Variants in NKAIN2 observed in about 807,000 individuals in gnomAD.
NKAIN2 encodes the protein sodium/potassium transporting ATPase interacting 2.
A neutral mutation model predicts 32.6 loss-of-function variants in NKAIN2; 14 were observed. That is an observed-to-expected ratio of 0.43 (90% CI 0.28 to 0.67). NKAIN2 has a LOEUF of 0.67. Ranked by LOEUF, NKAIN2 falls within the 30% of genes least tolerant of loss-of-function variation. The probability of loss-of-function intolerance (pLI) is 0.17; values close to 1 mark genes in which losing one functional copy is unlikely to be tolerated. For missense variants in NKAIN2, 198 were observed against 258.3 expected (o/e 0.77, Z 1.60); for synonymous variants, 80 against 87.2 (o/e 0.92, Z 0.46).
At chr6:124,546,313 C>T (rs1780092373) in intron 3 of NKAIN2, among the ~76,000 whole-genome samples, 1 of 152,070 alleles carries the variant, frequency 6.6e-6, no homozygotes, top group Admixed American at 6.6e-5. Flanking sequence ...TGGTGACATG[C>T]TCCATGCAGA....
intron 4 of NKAIN2, among the ~76,000 whole-genome samples, chr6:124,731,842 A>C (rs886071610): frequency 2.6e-5 from 4 of 152,112 alleles, no homozygotes; most frequent in Non-Finnish European, 4.4e-5. Context: ...TCTACATAAC[A>C]ATCTAAATAT....
intron 1 of NKAIN2, among the ~76,000 whole-genome samples, chr6:123,893,623 C>A (rs1030699866): frequency 6.6e-6 from 1 of 152,196 alleles, no homozygotes; most frequent in South Asian, 2.1e-4. Flanking sequence ...GTGACATGTT[C>A]AGTGTCCTGT....
At chr6:124,154,497 G>A (rs930718350) in intron 1 of NKAIN2, among the ~76,000 whole-genome samples, 1 of 151,878 alleles carries the variant, frequency 6.6e-6, no homozygotes, top group Non-Finnish European at 1.5e-5. Flanking sequence ...CTGATGCTAC[G>A]AAGACTTTTC....
chr6:124,604,562 A>G (rs1324713939), intron 3 of NKAIN2, among the ~76,000 whole-genome samples: 2 of 151,764 alleles, frequency 1.3e-5, no homozygotes, highest in African/African-American at 2.4e-5. Flanking sequence ...CTTTCTCTCT[A>G]TGCTTGATAA....
At chr6:123,972,923 AC>A (rs1451577034) in intron 1 of NKAIN2, among the ~76,000 whole-genome samples, 7 of 152,112 alleles carry the variant, frequency 4.6e-5, no homozygotes, top group Non-Finnish European at 8.8e-5. Flanking sequence ...CATAGTAAAA[AC>A]ACCATATCCA....
intron 3 of NKAIN2, among the ~76,000 whole-genome samples, chr6:124,549,216 A>T (rs988212444): frequency 1.3e-5 from 2 of 152,042 alleles, no homozygotes; most frequent in Admixed American, 6.5e-5. Flanking sequence ...AATACAAAAT[A>T]AATTAGCCAG....
intron 1 of NKAIN2, among the ~76,000 whole-genome samples, chr6:123,826,641 C>G (rs1262902956): frequency 6.6e-6 from 1 of 152,120 alleles, no homozygotes; most frequent in African/African-American, 2.4e-5. Flanking sequence ...ACTTATTTCC[C>G]TTAATGTAAT....
intron 4 of NKAIN2, among the ~76,000 whole-genome samples, chr6:124,683,609 TCCAGGGTGCGTGCTTGA>T (rs1773723144): frequency 2.0e-5 from 3 of 152,126 alleles, no homozygotes; most frequent in Admixed American, 1.3e-4. Context: ...TTCATCAGCC[TCCAGGGTGCGTGCTTGA>T]CCAGTGTGCG....
intron 1 of NKAIN2, among the ~76,000 whole-genome samples, chr6:124,004,162 A>G (rs952275694): frequency 2.6e-5 from 4 of 152,188 alleles, no homozygotes; most frequent in Non-Finnish European, 4.4e-5. Context: ...TCTTGGGAAA[A>G]AGTATCTGAA....
intron 1 of NKAIN2, among the ~76,000 whole-genome samples, chr6:123,898,803 T>A (rs192949336): frequency 6.6e-6 from 1 of 152,256 alleles, no homozygotes; most frequent in Admixed American, 6.5e-5. Flanking sequence ...CTTGGCAACT[T>A]TTAACTTAGA....
intron 4 of NKAIN2, among the ~76,000 whole-genome samples, chr6:124,706,069 C>A (rs1775047154): frequency 6.6e-6 from 1 of 152,086 alleles, no homozygotes; most frequent in Non-Finnish European, 1.5e-5. Context: ...ATTGTAGGAT[C>A]TCTGGAGCGT....
intron 3 of NKAIN2, among the ~76,000 whole-genome samples, chr6:124,430,382 C>A (rs1001058307): frequency 2.6e-5 from 4 of 152,130 alleles, no homozygotes; most frequent in Non-Finnish European, 5.9e-5. Context: ...ACAATAACAA[C>A]AATCATTTTA....
intron 4 of NKAIN2, among the ~76,000 whole-genome samples, chr6:124,674,453 A>G (rs1466531065): frequency 6.6e-6 from 1 of 152,116 alleles, no homozygotes; most frequent in Non-Finnish European, 1.5e-5. Flanking sequence ...TTCCGGTACT[A>G]TTAACATTTT....
intron 1 of NKAIN2, among the ~76,000 whole-genome samples, chr6:123,921,544 G>A (rs1057421896): frequency 6.6e-6 from 1 of 152,122 alleles, no homozygotes; most frequent in African/African-American, 2.4e-5. Flanking sequence ...TGGAAGTCCT[G>A]TAGTCCTGAA....
intron 1 of NKAIN2, among the ~76,000 whole-genome samples, chr6:124,250,752 T>C (rs932238332): frequency 3.9e-5 from 6 of 151,990 alleles, no homozygotes; most frequent in African/African-American, 1.4e-4. Context: ...ACAGAGGTAA[T>C]GTTAGTAAAG....
intron 1 of NKAIN2, among the ~76,000 whole-genome samples, chr6:123,906,986 C>T (rs551269783): frequency 6.6e-6 from 1 of 152,288 alleles, no homozygotes; most frequent in South Asian, 2.1e-4. Flanking sequence ...AAGTTGCAAT[C>T]AAACTAGTTT....
chr6:123,991,735 G>A (rs563472191), intron 1 of NKAIN2, among the ~76,000 whole-genome samples: 6 of 152,070 alleles, frequency 3.9e-5, no homozygotes, highest in African/African-American at 9.6e-5. Context: ...GGTGGTGGGC[G>A]CCTGTAGTCC....
chr6:124,437,519 C>T (rs1775501339), intron 3 of NKAIN2, among the ~76,000 whole-genome samples: 1 of 151,940 alleles, frequency 6.6e-6, no homozygotes, highest in African/African-American at 2.4e-5. Context: ...TTCTGATTTC[C>T]ATTCTTTCTC....
At chr6:124,354,456 A>G (rs1583108577) in intron 2 of NKAIN2, among the ~76,000 whole-genome samples, 1 of 152,324 alleles carries the variant, frequency 6.6e-6, no homozygotes, top group East Asian at 1.9e-4. Flanking sequence ...GAATAAATTT[A>G]GGGACACTAG....
Sources: gnomAD v4.1 joint callset for allele counts (sites outside exome capture counted in the v4.1 genomes callset) on GRCh38, gnomAD v4.1.1 for gene constraint, MANE v1.5 for transcripts, NCBI Gene and HGNC (gene_info 2026-07-23, HGNC 2026-07-21) for gene names.